The following INIP variants were observed in gnomAD, a reference collection of about 807,000 sequenced individuals.
INIP encodes INTS3 and NABP interacting protein.
In INIP, 9 loss-of-function variants were observed where a neutral mutation model predicts 14.0. That is an observed-to-expected ratio of 0.64 (90% CI 0.39 to 1.12). INIP has a LOEUF of 1.12. INIP is among the 50% of genes most tolerant of loss of function. INIP has a pLI of 0.01. For synonymous variants in INIP, 37 were observed against 41.5 expected, an observed-to-expected ratio of 0.89 and a Z score of 0.41; for missense variants, 78 against 122.7, an observed-to-expected ratio of 0.64 and a Z score of 1.72.
At chr9:112,707,406 C>G (rs1838511946) in intron 2 of INIP, among the ~76,000 whole-genome samples, 1 of 151,334 alleles carries the variant, frequency 6.6e-6, no homozygotes, top group Non-Finnish European at 1.5e-5. Context: ...ACTTTTGGAA[C>G]TATAACACTA....
At chr9:112,706,905 CTATT>C (rs530035397) in intron 2 of INIP, among the ~76,000 whole-genome samples, 1 of 151,742 alleles carries the variant, frequency 6.6e-6, no homozygotes, top group Non-Finnish European at 1.5e-5. Context: ...CTGGCAGAAA[CTATT>C]TATTTATTTA....
At chr9:112,704,224 G>A (rs1040024220) in intron 2 of INIP, among the ~76,000 whole-genome samples, 1 of 152,176 alleles carries the variant, frequency 6.6e-6, no homozygotes, top group Admixed American at 6.5e-5. Context: ...TAAAGAAGAC[G>A]CAGTGGCTGA....
At chr9:112,692,984 G>A (rs1349824528) in intron 3 of INIP, among the ~76,000 whole-genome samples, 1 of 145,684 alleles carries the variant, frequency 6.9e-6, no homozygotes, top group Non-Finnish European at 1.5e-5. Flanking sequence ...AGTTATGATT[G>A]TGCCACTCCA....
chr9:112,692,022 G>C (rs761193124), intron 3 of INIP, among the ~76,000 whole-genome samples: 11 of 150,882 alleles, frequency 7.3e-5, no homozygotes, highest in Non-Finnish European at 1.0e-4. Flanking sequence ...AAAGAAAAAA[G>C]AAAAAAAAGA....
At chr9:112,692,733 T>TG (rs1837933546) in intron 3 of INIP, among the ~76,000 whole-genome samples, 1 of 133,106 alleles carries the variant, frequency 7.5e-6, no homozygotes, top group African/African-American at 2.8e-5. Context: ...CATACAAAAC[T>TG]CAAAAAAAAA....
chr9:112,686,147 T>A lies in INIP; in HGVS notation c.*1391A>T, dbSNP rs1197027106. On this transcript the variant is annotated 3_prime_UTR_variant, in exon 5 of 5. Transcript: ENST00000374242. ...AGATAAGGTCAGTTACAAAAAGTTATATAAAATACTGTATCTGTGATACAG... is the reference window on the plus strand; with the variant it reads ...AGATAAGGTCAGTTACAAAAAGTTAAATAAAATACTGTATCTGTGATACAG... 1 of 152,166 alleles carries A rather than the reference T, an allele frequency of 6.6e-6. No individual in the cohort carries two copies. Among genetic ancestry groups the A allele is most frequent in the Non-Finnish European group, 1.5e-5 (1 of 68,026 alleles). 9.4% of individuals were successfully genotyped at this position (152,166 alleles called of 1,614,324 possible).
At chr9:112,714,116 A>G (rs988375028) in intron 2 of INIP, among the ~76,000 whole-genome samples, 2 of 152,234 alleles carry the variant, frequency 1.3e-5, no homozygotes, top group Non-Finnish European at 2.9e-5. Flanking sequence ...TGATAAAGTC[A>G]TACCATGGAA....
intron 2 of INIP, among the ~76,000 whole-genome samples, chr9:112,699,905 A>C (rs887970409): frequency 5.9e-5 from 9 of 152,288 alleles, no homozygotes; most frequent in Non-Finnish European, 1.0e-4. Context: ...TTAGTATCTC[A>C]GCAATGTTTG....
intron 1 of INIP, among the ~76,000 whole-genome samples, chr9:112,717,188 G>GA (rs1838851925): frequency 6.6e-6 from 1 of 152,118 alleles, no homozygotes; most frequent in Non-Finnish European, 1.5e-5. Flanking sequence ...GTGCTAGGAA[G>GA]AAAAATCATT....
At chr9:112,712,132 AAAAATT>A (rs1213569303) in intron 2 of INIP, among the ~76,000 whole-genome samples, 2 of 152,218 alleles carry the variant, frequency 1.3e-5, no homozygotes, top group Non-Finnish European at 2.9e-5. Flanking sequence ...AGAGTAGCAA[AAAAATT>A]AGGGGCAAGG....
intron 2 of INIP, among the ~76,000 whole-genome samples, chr9:112,708,800 G>A (rs886345797): frequency 5.9e-5 from 9 of 151,272 alleles, no homozygotes; most frequent in African/African-American, 2.2e-4. Context: ...ATACTCAAGC[G>A]ATCCTCCCAC....
intron 2 of INIP, among the ~76,000 whole-genome samples, chr9:112,707,440 T>A (rs1184674317): frequency 6.6e-6 from 1 of 152,038 alleles, no homozygotes; most frequent in Non-Finnish European, 1.5e-5. Context: ...TCACGTATGT[T>A]CTCATTTTCT....
rs529581063 is a variant in INIP, at chr9:112,717,612, G to C, written c.-57+375C>G. ...AAGAATTGATTTCATTGGCAGCAAAGAGTGATGCCTTAGTCTAGGGAGCCC... is the reference window on the plus strand; with the variant it reads ...AAGAATTGATTTCATTGGCAGCAAACAGTGATGCCTTAGTCTAGGGAGCCC... On this transcript the variant is annotated intron_variant, in intron 1 of 4. Transcript: ENST00000374242. Among the ~76,000 whole-genome samples, 239 of 152,254 alleles carry C rather than the reference G, an allele frequency of 1.6e-3. 2 individuals are homozygous for C. The highest frequency in any genetic ancestry group is 5.4e-3 in the African/African-American group (224 of 41,536).
intron 2 of INIP, among the ~76,000 whole-genome samples, chr9:112,695,684 T>C (rs1258997497): frequency 6.8e-6 from 1 of 147,730 alleles, no homozygotes; most frequent in East Asian, 2.0e-4. Flanking sequence ...ACTCTAGTAA[T>C]AGCAGACTCC....
chr9:112,695,986 C>T (rs925792972), intron 2 of INIP, among the ~76,000 whole-genome samples: 1 of 152,046 alleles, frequency 6.6e-6, no homozygotes, highest in Non-Finnish European at 1.5e-5. Context: ...CTCCTGGGCT[C>T]GAGCGATCCT....
chr9:112,713,289 C>A (rs373346729), intron 2 of INIP, among the ~76,000 whole-genome samples: 1 of 152,146 alleles, frequency 6.6e-6, no homozygotes, highest in Non-Finnish European at 1.5e-5. Flanking sequence ...CTAAAATTAA[C>A]GACTGACAAC....
At position 112,687,489 on chromosome 9, in the gene INIP, C is replaced by G. The variant is rs1837718347; in HGVS notation, c.*49G>C. The stretch of plus-strand genomic sequence containing the variant: ...TTCATGTAGCACTGAATGATAGTAG[C>G]TTTGGCATTTGATATTACAAAGTCA... On this transcript the variant is annotated 3_prime_UTR_variant, in exon 5 of 5. Transcript: ENST00000374242. 1 of 1,154,144 alleles carries G rather than the reference C, an allele frequency of 8.7e-7. No homozygotes were observed. Among genetic ancestry groups the G allele is most frequent in the Admixed American group, 1.7e-5 (1 of 58,488 alleles). The allele number at this position is 1,154,144 out of a possible 1,614,324, so 71.5% of individuals were successfully genotyped here.
intron 2 of INIP, among the ~76,000 whole-genome samples, chr9:112,703,670 T>A (rs1183134599): frequency 6.6e-6 from 1 of 152,188 alleles, no homozygotes; most frequent in East Asian, 1.9e-4. Context: ...CCTGAACTCC[T>A]GGTCTCAAGT....
chr9:112,702,471 T>C (rs1211819984), intron 2 of INIP, among the ~76,000 whole-genome samples: 2 of 152,208 alleles, frequency 1.3e-5, no homozygotes, highest in Non-Finnish European at 1.5e-5. Flanking sequence ...CACAAGAATA[T>C]TTTTGTTTTC....
Sources: allele counts gnomAD v4.1 joint callset (sites outside exome capture counted in the v4.1 genomes callset), GRCh38; gene constraint gnomAD v4.1.1; transcripts MANE v1.5; gene names NCBI Gene and HGNC (gene_info 2026-07-23, HGNC 2026-07-21).